Variants in DLG2 observed in about 807,000 individuals in gnomAD.
DLG2 encodes the protein discs large MAGUK scaffold protein 2.
In DLG2, 45 loss-of-function variants were observed where a neutral mutation model predicts 132.5. That is an observed-to-expected ratio of 0.34 (90% confidence interval 0.27 to 0.44). The LOEUF is 0.44. DLG2 is among the 20% of genes least tolerant of loss of function. DLG2 has a pLI of 1.00. For synonymous variants in DLG2, 424 were observed against 419.6 expected, an observed-to-expected ratio of 1.01 and a Z score of -0.13; for missense variants, 1,045 against 1,196.9, an observed-to-expected ratio of 0.87 and a Z score of 1.87.
chr11:83,514,368 T>C lies in DLG2; in HGVS notation c.2193+18340A>G, dbSNP rs1182638535. On this transcript the variant is annotated intron_variant, in intron 21 of 27. Coordinates refer to ENST00000376104, the MANE Select transcript of DLG2 (RefSeq NM_001142699.3). ...TGTATAAGAATGCTTGTGATTTTTG[T>C]ACATTGATTTTGTATCCTGAGACTT... Among the ~76,000 whole-genome samples the C allele has an allele frequency of 2.0e-5, 3 of 152,260 alleles. No individual in the cohort carries two copies. In the East Asian group the frequency reaches 5.8e-4, roughly 29 times the overall value.
At position 85,621,101 on chromosome 11, in the gene DLG2, T is replaced by C. The variant is rs373506836; in HGVS notation, c.-93+5486A>G. Reference sequence around the variant, plus strand: ...ATCCTAGGGTCTTTAAGAATTATGCTAAATCTATTCTGTCCATGCTCTAAA... The same window carrying C: ...ATCCTAGGGTCTTTAAGAATTATGCCAAATCTATTCTGTCCATGCTCTAAA... On this transcript the variant is annotated intron_variant, in intron 2 of 27. Transcript: ENST00000376104. Among the ~76,000 whole-genome samples, 99 of 152,278 alleles carry C rather than the reference T, an allele frequency of 6.5e-4. 1 individual carries two copies. The South Asian group carries it at 0.02, about 31-fold the overall frequency.
chr11:83,486,014 A>C (rs2093477596), intron 21 of DLG2: 2 of 401,566 alleles, frequency 5.0e-6, no homozygotes, highest in Non-Finnish European at 8.8e-6. Flanking sequence ...TACTAAAATT[A>C]CATTCTCAGA....
chr11:85,253,387 G>A (rs2076495933), intron 4 of DLG2, among the ~76,000 whole-genome samples: 1 of 152,198 alleles, frequency 6.6e-6, no homozygotes. Flanking sequence ...AAACTGGAGT[G>A]AACAGGTGCT....
At chr11:85,122,107 G>A (rs1007378934) in intron 5 of DLG2, among the ~76,000 whole-genome samples, 1 of 152,130 alleles carries the variant, frequency 6.6e-6, no homozygotes, top group Non-Finnish European at 1.5e-5. Flanking sequence ...CAGTACCATG[G>A]TAAGTGATCA....
At chr11:85,572,713 T>C (rs1274721280) in intron 3 of DLG2, among the ~76,000 whole-genome samples, 2 of 152,200 alleles carry the variant, frequency 1.3e-5, no homozygotes, top group African/African-American at 4.8e-5. Flanking sequence ...TTGAACCAAG[T>C]AACTGAGAAA....
intron 3 of DLG2, among the ~76,000 whole-genome samples, chr11:85,342,870 G>C (rs1369649634): frequency 6.6e-6 from 1 of 152,038 alleles, no homozygotes; most frequent in Non-Finnish European, 1.5e-5. Flanking sequence ...GTGTATGTAA[G>C]GTGTGTAATA....
intron 6 of DLG2, among the ~76,000 whole-genome samples, chr11:85,030,033 T>A (rs1241708812): frequency 6.6e-6 from 1 of 152,238 alleles, no homozygotes; most frequent in Non-Finnish European, 1.5e-5. Context: ...ACTTTCCTTC[T>A]TCTGTCCATA....
At position 83,462,179 on chromosome 11, in the gene DLG2, C is replaced by A. The variant is rs557237456; in HGVS notation, c.2730-86G>T. 1.1e-4 allele frequency: 97 copies of A among 890,496 alleles called. 1 individual carries two copies. In the South Asian group the frequency reaches 1.4e-3, roughly 12 times the overall value. 55.2% of individuals were successfully genotyped at this position (890,496 alleles called of 1,614,324 possible). On this transcript the variant is annotated intron_variant, in intron 26 of 27. Coordinates refer to ENST00000376104, the MANE Select transcript of DLG2 (RefSeq NM_001142699.3). The stretch of plus-strand genomic sequence containing the variant: ...AAATGTATGGCAAAAATAAATCCTA[C>A]AGAAAACATAGTGTAATCTTAGCAA...
chr11:84,861,618 C>CAAAAAACAAAA (rs2083656058), intron 6 of DLG2, among the ~76,000 whole-genome samples: 1 of 35,828 alleles, frequency 2.8e-5, no homozygotes, highest in Non-Finnish European at 4.7e-5. Flanking sequence ...TTCTACACAG[C>CAAAAAACAAAA]AAAAAAAAAA....
intron 7 of DLG2, among the ~76,000 whole-genome samples, chr11:84,404,919 C>A (rs1202506853): frequency 6.6e-6 from 1 of 151,902 alleles, no homozygotes; most frequent in African/African-American, 2.4e-5. Context: ...TTTTATAGAC[C>A]AATAGCCTAG....
At chr11:85,324,469 T>C (rs2081298703) in intron 3 of DLG2, among the ~76,000 whole-genome samples, 1 of 152,142 alleles carries the variant, frequency 6.6e-6, no homozygotes, top group Non-Finnish European at 1.5e-5. Context: ...TCATCAAAAA[T>C]TCGGGAAAGA....
intron 3 of DLG2, among the ~76,000 whole-genome samples, chr11:85,470,629 G>A (rs760713217): frequency 8.5e-5 from 13 of 152,286 alleles, no homozygotes; most frequent in Non-Finnish European, 1.5e-4. Context: ...GGCTGAGGCT[G>A]AGGCATGAGA....
chr11:83,898,045 G>A (rs946271390), intron 15 of DLG2, among the ~76,000 whole-genome samples: 4 of 152,114 alleles, frequency 2.6e-5, no homozygotes, highest in African/African-American at 9.7e-5. Context: ...TTTACCTACT[G>A]TAAATGTTGC....
At chr11:84,396,821 C>A (rs1169168261) in intron 7 of DLG2, among the ~76,000 whole-genome samples, 1 of 152,154 alleles carries the variant, frequency 6.6e-6, no homozygotes, top group Non-Finnish European at 1.5e-5. Context: ...CTGTAAAGTT[C>A]TTTTGATTCC....
chr11:84,159,216 T>C (rs1321938803), intron 9 of DLG2, among the ~76,000 whole-genome samples: 1 of 152,232 alleles, frequency 6.6e-6, no homozygotes, highest in Non-Finnish European at 1.5e-5. Flanking sequence ...AATCACTTTA[T>C]ATTTATATAC....
At chr11:85,160,429 C>T (rs1226077056) in intron 4 of DLG2, among the ~76,000 whole-genome samples, 1 of 152,196 alleles carries the variant, frequency 6.6e-6, no homozygotes, top group Non-Finnish European at 1.5e-5. Context: ...AAGGTTCTGC[C>T]ATCTTCTGCA....
At chr11:84,904,432 T>A (rs1434148749) in intron 6 of DLG2, among the ~76,000 whole-genome samples, 1 of 152,220 alleles carries the variant, frequency 6.6e-6, no homozygotes, top group Non-Finnish European at 1.5e-5. Flanking sequence ...TCGATATTCA[T>A]GATATGGCCT....
At chr11:84,970,404 C>A (rs953826721) in intron 6 of DLG2, among the ~76,000 whole-genome samples, 7 of 152,112 alleles carry the variant, frequency 4.6e-5, no homozygotes, top group Non-Finnish European at 1.0e-4. Flanking sequence ...TATTGGGTGT[C>A]CCTGTCTTAG....
At chr11:84,787,684 A>G (rs566605403) in intron 6 of DLG2, among the ~76,000 whole-genome samples, 1 of 152,234 alleles carries the variant, frequency 6.6e-6, no homozygotes, top group Non-Finnish European at 1.5e-5. Flanking sequence ...TCCAATTTCT[A>G]TCTGAGTTCC....
Sources: gnomAD v4.1 joint callset for allele counts (sites outside exome capture counted in the v4.1 genomes callset) on GRCh38, gnomAD v4.1.1 for gene constraint, MANE v1.5 for transcripts, NCBI Gene and HGNC (gene_info 2026-07-23, HGNC 2026-07-21) for gene names.